TRPM3: variants seen among roughly 807,000 people sequenced by gnomAD.
TRPM3 encodes the protein long transient receptor potential channel 3.
In TRPM3, 77 loss-of-function variants were observed where a neutral mutation model predicts 181.2. The observed-to-expected ratio is 0.42, with a 90% CI of 0.35 to 0.51. TRPM3 has a LOEUF of 0.51. TRPM3 is among the 20% of genes least tolerant of loss of function. The pLI is 0.01. For synonymous variants in TRPM3, 745 were observed against 796.4 expected, an observed-to-expected ratio of 0.94 and a Z score of 1.09; for missense variants, 1,759 against 2,196.7, an observed-to-expected ratio of 0.80 and a Z score of 3.98.
chr9:70,855,484 C>G (rs1345420914), intron 3 of TRPM3, among the ~76,000 whole-genome samples: 1 of 152,146 alleles, frequency 6.6e-6, no homozygotes, highest in African/African-American at 2.4e-5. Context: ...GCTACTCTCT[C>G]GGAAATATTA....
intron 1 of TRPM3, among the ~76,000 whole-genome samples, chr9:71,391,276 G>T (rs1488719093): frequency 6.6e-6 from 1 of 151,902 alleles, no homozygotes; most frequent in Non-Finnish European, 1.5e-5. Flanking sequence ...TTACACAACA[G>T]GAAACAGAAG....
At chr9:71,426,950 T>A (rs2093874583) in intron 1 of TRPM3, among the ~76,000 whole-genome samples, 1 of 152,208 alleles carries the variant, frequency 6.6e-6, no homozygotes, top group African/African-American at 2.4e-5. Context: ...AAAAGATTAC[T>A]TCCCCAATTT....
intron 1 of TRPM3, among the ~76,000 whole-genome samples, chr9:71,256,462 C>G (rs996998612): frequency 6.6e-6 from 1 of 151,796 alleles, no homozygotes; most frequent in Non-Finnish European, 1.5e-5. Flanking sequence ...AATGATACAC[C>G]AAAAATTTAA....
chr9:70,814,011 A>C (rs761692802), intron 6 of TRPM3, among the ~76,000 whole-genome samples: 3 of 152,236 alleles, frequency 2.0e-5, no homozygotes, highest in Non-Finnish European at 4.4e-5. Context: ...TGAGCATTAC[A>C]GATGCACCAG....
chr9:70,795,494 C>T (rs4454352), intron 6 of TRPM3, among the ~76,000 whole-genome samples: 118,159 of 152,176 alleles, frequency 0.78, 46,111 homozygotes, highest in South Asian at 0.83. Context: ...TGAAATAGCC[C>T]TCTCCAAAGT....
intron 1 of TRPM3, among the ~76,000 whole-genome samples, chr9:71,087,046 T>C (rs918067503): frequency 2.6e-5 from 4 of 152,052 alleles, no homozygotes; most frequent in African/African-American, 9.7e-5. Flanking sequence ...TCTCTGATTC[T>C]TGAAAATTTT....
At chr9:70,806,614 C>T (rs1473382807) in intron 6 of TRPM3, among the ~76,000 whole-genome samples, 4 of 152,068 alleles carry the variant, frequency 2.6e-5, no homozygotes, top group South Asian at 2.1e-4. Context: ...CGCTGGAACA[C>T]GGGAGGCGGG....
At chr9:71,085,081 A>C (rs1216106500) in intron 1 of TRPM3, among the ~76,000 whole-genome samples, 1 of 152,110 alleles carries the variant, frequency 6.6e-6, no homozygotes, top group Non-Finnish European at 1.5e-5. Context: ...AGCCATACGC[A>C]GTAGAATGAA....
chr9:71,250,860 G>C (rs113632814), intron 1 of TRPM3, among the ~76,000 whole-genome samples: 1,540 of 152,236 alleles, frequency 0.01, 25 homozygotes, highest in African/African-American at 0.035. Flanking sequence ...AGATGACCTG[G>C]GACCAGAGAG....
chr9:71,222,369 T>C (rs1025837472), intron 1 of TRPM3, among the ~76,000 whole-genome samples: 4 of 152,178 alleles, frequency 2.6e-5, no homozygotes, highest in Admixed American at 6.5e-5. Flanking sequence ...GTTCATTTGG[T>C]AGTTTGTTTT....
At chr9:70,551,051 C>T (rs2046341503) in intron 24 of TRPM3, among the ~76,000 whole-genome samples, 2 of 152,222 alleles carry the variant, frequency 1.3e-5, no homozygotes, top group African/African-American at 4.8e-5. Context: ...GTATATTTAA[C>T]ACTTATTCTG....
chr9:70,918,602 G>A (rs1241122888), intron 1 of TRPM3, among the ~76,000 whole-genome samples: 1 of 152,028 alleles, frequency 6.6e-6, no homozygotes, highest in Non-Finnish European at 1.5e-5. Context: ...CAAAAACTGT[G>A]GGATACAGCA....
intron 1 of TRPM3, among the ~76,000 whole-genome samples, chr9:70,894,764 A>G (rs1381052303): frequency 6.6e-6 from 1 of 152,194 alleles, no homozygotes; most frequent in Non-Finnish European, 1.5e-5. Flanking sequence ...TTTGCTACGT[A>G]AAGTTTAGTA....
At position 70,535,566 on chromosome 9, in the gene TRPM3, C is replaced by G; in HGVS notation, c.*387G>C. Reference sequence around the variant, plus strand: ...TTATTTTGCAATTTAGCCCTGCATCCTACAACTCTTGATAATGGTCAGAAA... The same window carrying G: ...TTATTTTGCAATTTAGCCCTGCATCGTACAACTCTTGATAATGGTCAGAAA... On this transcript the variant is annotated 3_prime_UTR_variant, in exon 26 of 26. Transcript: ENST00000677713. The G allele has an allele frequency of 6.5e-7, 1 of 1,528,990 alleles. No homozygotes were observed. The highest frequency in any genetic ancestry group is 1.2e-5 in the South Asian group (1 of 81,040). The allele number at this position is 1,528,990 out of a possible 1,614,324, so 94.7% of individuals were successfully genotyped here.
chr9:70,813,692 A>T (rs2092385372), intron 6 of TRPM3, among the ~76,000 whole-genome samples: 1 of 152,226 alleles, frequency 6.6e-6, no homozygotes, highest in Non-Finnish European at 1.5e-5. Flanking sequence ...CTGCTTTATA[A>T]TGCAGCTCTT....
chr9:70,637,612 A>G (rs550485408), intron 11 of TRPM3, among the ~76,000 whole-genome samples: 1 of 152,212 alleles, frequency 6.6e-6, no homozygotes, highest in East Asian at 1.9e-4. Flanking sequence ...CTCTGGAGAA[A>G]ACAGAGACTA....
At chr9:70,893,866 T>C (rs1337234980) in intron 1 of TRPM3, among the ~76,000 whole-genome samples, 2 of 152,174 alleles carry the variant, frequency 1.3e-5, no homozygotes, top group East Asian at 1.9e-4. Flanking sequence ...AGAAGTCTTA[T>C]GCAAAACATT....
At chr9:71,207,122 A>C (rs577313444) in intron 1 of TRPM3, among the ~76,000 whole-genome samples, 91 of 152,232 alleles carry the variant, frequency 6.0e-4, no homozygotes, top group African/African-American at 2.1e-3. Flanking sequence ...GATTAGGATG[A>C]AAATGCTTTT....
At chr9:71,273,963 C>A (rs1277891614) in intron 1 of TRPM3, among the ~76,000 whole-genome samples, 4 of 152,156 alleles carry the variant, frequency 2.6e-5, no homozygotes, top group African/African-American at 9.7e-5. Flanking sequence ...GATATGCCAC[C>A]TTTTATCTCT....
Sources: gnomAD v4.1 joint callset for allele counts (sites outside exome capture counted in the v4.1 genomes callset) on GRCh38, gnomAD v4.1.1 for gene constraint, MANE v1.5 for transcripts, NCBI Gene and HGNC (gene_info 2026-07-23, HGNC 2026-07-21) for gene names.